The following BABAM2 variants were observed in gnomAD, a reference collection of about 807,000 sequenced individuals.
BABAM2 encodes BRISC and BRCA1 A complex member 2.
Under a neutral mutation model 54.7 loss-of-function variants are expected in BABAM2, and 31 were observed. The observed-to-expected ratio is 0.57, with a 90% CI of 0.43 to 0.77. BABAM2 has a LOEUF of 0.77. BABAM2 is among the 30% of genes least tolerant of loss of function. The pLI is 0.00. For missense variants in BABAM2, 364 were observed against 455.8 expected (o/e 0.80, Z 1.83); for synonymous variants, 167 against 162.9 (o/e 1.03, Z -0.19).
chr2:28,327,216 C>A, intron 11 of BABAM2: 1 of 1,541,704 alleles, frequency 6.5e-7, no homozygotes, highest in Non-Finnish European at 8.8e-7. Context: ...CCCTGTCCCT[C>A]CCTCCATTTA....
At chr2:28,291,980 A>G (rs1458639740) in intron 10 of BABAM2, among the ~76,000 whole-genome samples, 1 of 152,210 alleles carries the variant, frequency 6.6e-6, no homozygotes, top group Non-Finnish European at 1.5e-5. Context: ...TCAGCCTCAA[A>G]TGGAATCCTC....
chr2:28,279,111 G>A (rs539624976), intron 10 of BABAM2, among the ~76,000 whole-genome samples: 111 of 152,276 alleles, frequency 7.3e-4, no homozygotes, highest in African/African-American at 2.4e-3. Context: ...AGAAGGAGCC[G>A]GTGGAAGAGA....
intron 2 of BABAM2, among the ~76,000 whole-genome samples, chr2:27,899,575 C>T (rs1211864442): frequency 2.0e-5 from 3 of 151,766 alleles, no homozygotes; most frequent in Non-Finnish European, 4.4e-5. Flanking sequence ...TGGGTTCAAG[C>T]GATTCTACTG....
intron 8 of BABAM2, among the ~76,000 whole-genome samples, chr2:28,238,523 A>G (rs1002181376): frequency 6.6e-6 from 1 of 152,236 alleles, no homozygotes; most frequent in Non-Finnish European, 1.5e-5. Context: ...TAATATTTCA[A>G]GAGCTTCAGT....
At chr2:27,957,794 A>G (rs909336375) in intron 3 of BABAM2, among the ~76,000 whole-genome samples, 12 of 152,182 alleles carry the variant, frequency 7.9e-5, no homozygotes, top group African/African-American at 2.9e-4. Context: ...TATTTTGGCC[A>G]ACAGAATATG....
intron 6 of BABAM2, among the ~76,000 whole-genome samples, chr2:28,100,191 T>C (rs1666958215): frequency 6.6e-6 from 1 of 152,070 alleles, no homozygotes; most frequent in Admixed American, 6.5e-5. Context: ...GGCTCACACC[T>C]GTAGTCCCAG....
intron 3 of BABAM2, among the ~76,000 whole-genome samples, chr2:27,948,699 AG>A (rs1225649686): frequency 6.6e-6 from 1 of 152,076 alleles, no homozygotes; most frequent in East Asian, 1.9e-4. Context: ...TGAACCCGGG[AG>A]GTGGAGGTTG....
intron 6 of BABAM2, among the ~76,000 whole-genome samples, chr2:28,064,431 A>G (rs2148647075): frequency 6.6e-6 from 1 of 152,354 alleles, no homozygotes; most frequent in East Asian, 1.9e-4. Flanking sequence ...TCTGTTTTCC[A>G]ACTTAAATGA....
intron 7 of BABAM2, 98 bp from the exon 8 acceptor site, chr2:28,237,104 C>T (rs1174811053): frequency 1.1e-5 from 10 of 923,392 alleles, no homozygotes; most frequent in Non-Finnish European, 1.7e-5. Context: ...CAGTTGGTGG[C>T]CAGACTTTGA....
chr2:28,298,453 C>T lies in BABAM2; in HGVS notation c.1050C>T (p.Ser350=), dbSNP rs756804547. ...YSQAQKNYPY[S]PRWDGNEMAK... ...AGGCCCAAAAAAATTATCCGTACAG[C>T]CCCAGATGGGATGGAAATGAAATGG... The change falls in exon 11 of 12, where the codon AGC becomes AGT. Residue 350 remains serine (S), a synonymous_variant. Transcript: ENST00000379624. The T allele has an allele frequency of 1.9e-6, 3 of 1,614,034 alleles. No homozygotes were observed. Among genetic ancestry groups the T allele is most frequent in the African/African-American group, 1.3e-5 (1 of 74,924 alleles).
chr2:28,009,620 GC>G (rs546702404), intron 4 of BABAM2, among the ~76,000 whole-genome samples: 111 of 152,154 alleles, frequency 7.3e-4, no homozygotes, highest in African/African-American at 2.5e-3. Context: ...TGAAACAGAT[GC>G]TTTTATTTAA....
intron 7 of BABAM2, chr2:28,233,307 C>T (rs1417648075): frequency 2.1e-6 from 1 of 470,594 alleles, no homozygotes. Context: ...TTCAGCCAGC[C>T]CTGCAGTCCC....
chr2:28,299,119 T>C (rs1687920038), intron 11 of BABAM2, among the ~76,000 whole-genome samples: 1 of 152,234 alleles, frequency 6.6e-6, no homozygotes, highest in Non-Finnish European at 1.5e-5. Flanking sequence ...ATACCATAGC[T>C]GTTGCCCAAA....
intron 5 of BABAM2, among the ~76,000 whole-genome samples, chr2:28,031,885 G>A (rs879396958): frequency 3.3e-5 from 5 of 152,160 alleles, no homozygotes; most frequent in African/African-American, 1.2e-4. Flanking sequence ...AGAATTGTAA[G>A]CATATATTCA....
At chr2:28,054,791 T>C (rs1402046141) in intron 6 of BABAM2, among the ~76,000 whole-genome samples, 1 of 152,232 alleles carries the variant, frequency 6.6e-6, no homozygotes, top group East Asian at 1.9e-4. Context: ...TGTTTTGTTA[T>C]GGGAATTGGA....
At chr2:28,129,101 C>G (rs180826267) in intron 6 of BABAM2, among the ~76,000 whole-genome samples, 170 bp from the exon 7 acceptor site, 43 of 152,232 alleles carry the variant, frequency 2.8e-4, no homozygotes, top group Admixed American at 3.9e-4. Context: ...TAAAATCCAT[C>G]CCTCTAGAGG....
intron 6 of BABAM2, among the ~76,000 whole-genome samples, chr2:28,070,367 C>G (rs1664009437): frequency 6.6e-6 from 1 of 152,254 alleles, no homozygotes; most frequent in South Asian, 2.1e-4. Context: ...ATGCATGTCT[C>G]TTTTTCTGTG....
intron 10 of BABAM2, among the ~76,000 whole-genome samples, chr2:28,272,870 G>A (rs1175680833): frequency 6.6e-6 from 1 of 152,164 alleles, no homozygotes; most frequent in Non-Finnish European, 1.5e-5. Context: ...CATTGAACTG[G>A]GGACTGACGT....
intron 3 of BABAM2, among the ~76,000 whole-genome samples, chr2:27,936,985 T>C (rs928894674): frequency 6.6e-6 from 1 of 152,036 alleles, no homozygotes; most frequent in African/African-American, 2.4e-5. Flanking sequence ...TAAAATCAGG[T>C]ATTATCATTT....
Sources: allele counts gnomAD v4.1 joint callset (sites outside exome capture counted in the v4.1 genomes callset), GRCh38; gene constraint gnomAD v4.1.1; transcripts MANE v1.5; gene names NCBI Gene and HGNC (gene_info 2026-07-23, HGNC 2026-07-21).